Variants in ATP2C1 observed in about 807,000 individuals in gnomAD.
ATP2C1 encodes the protein calcium-transporting ATPase type 2C member 1.
Under a neutral mutation model 120.5 loss-of-function variants are expected in ATP2C1, and 31 were observed. The ratio of observed to expected loss-of-function variants is 0.26; its 90% CI spans 0.19 to 0.35. The LOEUF (loss-of-function observed/expected upper bound fraction) is 0.35, where lower values mean the gene tolerates loss of function less well. ATP2C1 is among the 10% of genes least tolerant of loss of function. The pLI is 1.00. For missense variants in ATP2C1, 731 were observed against 1,107.5 expected, an observed-to-expected ratio of 0.66 and a Z score of 4.83; for synonymous variants, 351 against 358.7, an observed-to-expected ratio of 0.98 and a Z score of 0.24.
chr3:130,940,853 C>G (rs1377030382), intron 7 of ATP2C1, among the ~76,000 whole-genome samples, 162 bp downstream of exon 7: 1 of 148,336 alleles, frequency 6.7e-6, no homozygotes, highest in Non-Finnish European at 1.5e-5. Flanking sequence ...CAAAACTGTA[C>G]CATTGAAAAC....
chr3:130,872,909 G>T (rs2068482340), intron 1 of ATP2C1, among the ~76,000 whole-genome samples: 1 of 152,114 alleles, frequency 6.6e-6, no homozygotes, highest in Admixed American at 6.5e-5. Flanking sequence ...ACTCTGAGAA[G>T]ATAAACCCAA....
At chr3:130,880,685 C>A (rs570187686) in intron 1 of ATP2C1, among the ~76,000 whole-genome samples, 1 of 152,100 alleles carries the variant, frequency 6.6e-6, no homozygotes, top group Non-Finnish European at 1.5e-5. Flanking sequence ...TTGTAATTTC[C>A]CCTTTTTCAT....
At chr3:130,946,166 T>G (rs148819671) in intron 8 of ATP2C1, among the ~76,000 whole-genome samples, 3,601 of 152,300 alleles carry the variant, frequency 0.024, 66 homozygotes, top group Non-Finnish European at 0.036. Flanking sequence ...AAGATTAAGC[T>G]GTTTTTATGA....
chr3:130,856,464 T>C (rs1238332132), intron 1 of ATP2C1, among the ~76,000 whole-genome samples: 1 of 152,246 alleles, frequency 6.6e-6, no homozygotes, highest in African/African-American at 2.4e-5. Flanking sequence ...GACGTTTCAC[T>C]ACAACTTGAT....
intron 3 of ATP2C1, among the ~76,000 whole-genome samples, chr3:130,931,143 G>T (rs1469528477): frequency 6.6e-6 from 1 of 151,832 alleles, no homozygotes; most frequent in Non-Finnish European, 1.5e-5. Context: ...GGTTTTTGTT[G>T]TTGTTGTTAT....
At chr3:130,974,188 TAAAGA>T (rs1345267733) in intron 17 of ATP2C1, among the ~76,000 whole-genome samples, 2 of 152,110 alleles carry the variant, frequency 1.3e-5, no homozygotes, top group Non-Finnish European at 2.9e-5. Flanking sequence ...GAAAACAAAT[TAAAGA>T]GGTGGTTATT....
intron 1 of ATP2C1, among the ~76,000 whole-genome samples, chr3:130,854,423 G>T (rs1012039023): frequency 6.6e-6 from 1 of 152,098 alleles, no homozygotes; most frequent in South Asian, 2.1e-4. Context: ...GTTTGGTTTC[G>T]GTTATTTTAT....
rs114901030 is a variant in ATP2C1, at chr3:130,961,968, G to A, written c.900-2003G>A. ...CTTAATTTTGATGAGTGAGCAATCT[G>A]TTTTTAAGGACAAAAAAGAAACAGG... On this transcript the variant is annotated intron_variant, in intron 12 of 27. Transcript: ENST00000510168. Among the ~76,000 whole-genome samples, 1,153 of 152,130 alleles carry A rather than the reference G, an allele frequency of 7.6e-3. 18 individuals are homozygous for A. Among genetic ancestry groups the A allele is most frequent in the African/African-American group, 0.026 (1,099 of 41,542 alleles).
chr3:130,934,853 C>T (rs951910917), intron 5 of ATP2C1, 142 bp downstream of exon 5: 20 of 674,630 alleles, frequency 3.0e-5, no homozygotes, highest in Admixed American at 1.8e-4. Context: ...CTTTTTGTTG[C>T]GACAGTTTCT....
intron 4 of ATP2C1, 80 bp downstream of exon 4, chr3:130,932,218 A>T: frequency 1.1e-6 from 1 of 912,754 alleles, no homozygotes; most frequent in Non-Finnish European, 1.8e-6. Flanking sequence ...TACTTTTGTG[A>T]TACTGTTTAT....
At chr3:130,909,183 A>G (rs2108086494) in intron 2 of ATP2C1, among the ~76,000 whole-genome samples, 1 of 152,296 alleles carries the variant, frequency 6.6e-6, no homozygotes, top group African/African-American at 2.4e-5. Flanking sequence ...AAACCTTAGT[A>G]CCACAGGCAG....
intron 1 of ATP2C1, among the ~76,000 whole-genome samples, chr3:130,860,287 T>C (rs1015417240): frequency 3.3e-5 from 5 of 152,232 alleles, no homozygotes; most frequent in Admixed American, 1.3e-4. Context: ...GACAGTCCCA[T>C]GTCTTGACAG....
At chr3:130,968,975 A>G (rs564119091) in intron 16 of ATP2C1, among the ~76,000 whole-genome samples, 9 of 152,210 alleles carry the variant, frequency 5.9e-5, no homozygotes, top group Non-Finnish European at 1.0e-4. Flanking sequence ...TTGGTTGGGT[A>G]CTTTTATTTA....
rs574812146 is a variant in ATP2C1 at position 130,980,570 on chromosome 3, C to T, written c.1742-12C>T. ...ATTTGGTTTATTACATTTTCTCTCT[C>T]ATTTGCTTTAGCCAGTCGTCTGGGA... is the stretch of plus-strand genomic sequence containing the variant. On this transcript the variant is annotated splice_polypyrimidine_tract_variant and intron_variant, in intron 19 of 27. Transcript: ENST00000510168. The T allele has an allele frequency of 6.2e-7, 1 of 1,603,234 alleles. No homozygotes were observed. The highest frequency in any genetic ancestry group is 8.5e-7 in the Non-Finnish European group (1 of 1,170,532).
At chr3:130,954,172 T>C (rs1461792541) in intron 9 of ATP2C1, among the ~76,000 whole-genome samples, 196 bp downstream of exon 9, 1 of 152,202 alleles carries the variant, frequency 6.6e-6, no homozygotes, top group Non-Finnish European at 1.5e-5. Flanking sequence ...TTCTGCTATT[T>C]CCCAGATAAT....
intron 2 of ATP2C1, among the ~76,000 whole-genome samples, chr3:130,922,247 A>G (rs189666550): frequency 2.2e-3 from 328 of 152,292 alleles, no homozygotes; most frequent in Non-Finnish European, 3.9e-3. Flanking sequence ...TTGTGCATGT[A>G]AAAGTGTTCA....
In ATP2C1 at chr3:131,002,735, C is replaced by T. The variant is rs1560040499; in HGVS notation, c.*1385C>T. On this transcript the variant is annotated 3_prime_UTR_variant, in exon 28 of 28. Coordinates refer to ENST00000510168, the MANE Select transcript of ATP2C1 (RefSeq NM_001378687.1). The stretch of plus-strand genomic sequence containing the variant: ...TTTTATAATCTGTCAGGATGAACCA[C>T]TCCTTAGCTTTTATCCAATATTAAA... 1 of 985,240 alleles carries T rather than the reference C, an allele frequency of 1.0e-6. No homozygotes were observed. The highest frequency in any genetic ancestry group is 1.2e-6 in the Non-Finnish European group (1 of 829,868). The allele number at this position is 985,240 out of a possible 1,614,324, so 61.0% of individuals were successfully genotyped here. A position where few individuals can be genotyped will look rare whatever the true frequency, so the allele number is the denominator to read the frequency against.
At chr3:130,996,622 T>C in intron 23 of ATP2C1, 58 bp from the exon 24 acceptor site, 1 of 1,112,236 alleles carries the variant, frequency 9.0e-7, no homozygotes, top group Non-Finnish European at 1.4e-6. Context: ...AAAAGTGGTA[T>C]CATAGAATCA....
chr3:130,979,384 T>A lies in ATP2C1; in HGVS notation c.1706T>A (p.Ile569Asn). 6.2e-7 allele frequency: 1 copy of A among 1,613,622 alleles called. No individual in the cohort carries two copies. The highest frequency in any genetic ancestry group is 8.5e-7 in the Non-Finnish European group (1 of 1,179,676). Reference sequence around the variant, plus strand: ...GCCTCAGGAGTATCAATAAAAATGATTACTGGAGATTCACAGGAGACTGCA... The same window carrying A: ...GCCTCAGGAGTATCAATAAAAATGAATACTGGAGATTCACAGGAGACTGCA... The part of the protein sequence containing the change: ...LIASGVSIKM[I>N]TGDSQETAVA... Residue 569 changes from isoleucine (I) to asparagine (N), a missense_variant, in exon 19 of 28, where the codon ATT becomes AAT. Coordinates refer to ENST00000510168, the MANE Select transcript of ATP2C1 (RefSeq NM_001378687.1).
Sources: gnomAD v4.1 joint callset for allele counts (sites outside exome capture counted in the v4.1 genomes callset) on GRCh38, gnomAD v4.1.1 for gene constraint, MANE v1.5 for transcripts, NCBI Gene and HGNC (gene_info 2026-07-23, HGNC 2026-07-21) for gene names.